Variants in CCSER1 observed in about 807,000 individuals in gnomAD.
CCSER1 encodes the protein coiled-coil serine rich protein 1, also known as serine-rich coiled-coil domain-containing protein 1.
A neutral mutation model predicts 82.0 loss-of-function variants in CCSER1; 41 were observed. The observed-to-expected ratio is 0.50, with a 90% CI of 0.39 to 0.65. The LOEUF is 0.65. Among genes scored for constraint, CCSER1 ranks in the 30% least tolerant of loss-of-function variants. CCSER1 has a pLI of 0.00. For synonymous variants in CCSER1, 414 were observed against 383.9 expected (o/e 1.08, Z -0.92); for missense variants, 1,119 against 1,064.2 (o/e 1.05, Z -0.72).
Position 90,711,150 on chromosome 4 carries a change from G to A in CCSER1, c.1933-12764G>A, listed in dbSNP as rs553830556. Among the ~76,000 whole-genome samples, 6 of 152,010 alleles carry A rather than the reference G, an allele frequency of 3.9e-5. No homozygotes were observed. In the East Asian group the frequency reaches 1.2e-3, roughly 29 times the overall value. On this transcript the variant is annotated intron_variant, in intron 6 of 10. Transcript: ENST00000509176. Reference sequence around the variant, plus strand: ...CCTGCTTGCCTGTTGTTAGTATATAGGAATGCTAGTGATTTTTACACATTG... The same window carrying A: ...CCTGCTTGCCTGTTGTTAGTATATAAGAATGCTAGTGATTTTTACACATTG...
At chr4:90,982,919 C>G (rs1364481450) in intron 9 of CCSER1, among the ~76,000 whole-genome samples, 1 of 151,820 alleles carries the variant, frequency 6.6e-6, no homozygotes, top group Non-Finnish European at 1.5e-5. Context: ...AACCCATACT[C>G]ACTTGCACCT....
chr4:90,902,308 G>T (rs1237807275), intron 8 of CCSER1, among the ~76,000 whole-genome samples: 1 of 151,640 alleles, frequency 6.6e-6, no homozygotes, highest in East Asian at 1.9e-4. Context: ...TTTAATTTTG[G>T]TTAGGATCCA....
Position 91,598,930 on chromosome 4 carries a change from T to A in CCSER1, c.2576T>A (p.Phe859Tyr). The A allele has an allele frequency of 6.4e-7, 1 of 1,551,558 alleles. No individual in the cohort carries two copies. Among genetic ancestry groups the A allele is most frequent in the Non-Finnish European group, 8.7e-7 (1 of 1,146,898 alleles). Reference sequence around the variant, plus strand: ...GCTACGGCCCGACAGCATTCGACCTTTACAGGCAGGTTTGGACAGCCACCC... The same window carrying A: ...GCTACGGCCCGACAGCATTCGACCTATACAGGCAGGTTTGGACAGCCACCC... ...QVATARQHSTFTGRFGQPPRG... is the reference protein window; with the variant it reads ...QVATARQHSTYTGRFGQPPRG... The change falls in exon 11 of 11, where the codon TTT becomes TAT. Residue 859 changes from phenylalanine to tyrosine, a missense_variant. Transcript: ENST00000509176.
At chr4:90,808,814 T>G (rs2149730339) in intron 7 of CCSER1, among the ~76,000 whole-genome samples, 1 of 152,220 alleles carries the variant, frequency 6.6e-6, no homozygotes, top group African/African-American at 2.4e-5. Flanking sequence ...TAGTACAACC[T>G]CTGGAAAATA....
intron 3 of CCSER1, among the ~76,000 whole-genome samples, chr4:90,328,206 T>C (rs112232147): frequency 0.018 from 2,812 of 152,254 alleles, 61 homozygotes; most frequent in African/African-American, 0.049. Context: ...ATTAGATTTA[T>C]AGAAATATAA....
At chr4:90,507,251 C>A (rs1360572154) in intron 5 of CCSER1, among the ~76,000 whole-genome samples, 1 of 150,956 alleles carries the variant, frequency 6.6e-6, no homozygotes, top group African/African-American at 2.4e-5. Context: ...AAAAAATAGA[C>A]ATGTTGAAAG....
intron 8 of CCSER1, chr4:90,838,878 G>A (rs769939185): frequency 6.2e-7 from 1 of 1,612,662 alleles, no homozygotes; most frequent in Non-Finnish European, 8.5e-7. Context: ...GGAATGTACA[G>A]TGCATATTGG....
intron 1 of CCSER1, among the ~76,000 whole-genome samples, chr4:90,161,092 G>T (rs778835938): frequency 1.3e-5 from 2 of 152,154 alleles, no homozygotes; most frequent in African/African-American, 2.4e-5. Flanking sequence ...CTGTAATGTT[G>T]TATCCTAAGT....
chr4:90,798,892 G>A (rs1756395275), intron 7 of CCSER1, among the ~76,000 whole-genome samples: 1 of 152,158 alleles, frequency 6.6e-6, no homozygotes, highest in Non-Finnish European at 1.5e-5. Flanking sequence ...GGCGGAAGGT[G>A]CTTTCAGACC....
intron 3 of CCSER1, among the ~76,000 whole-genome samples, chr4:90,337,408 A>G (rs554108834): frequency 6.6e-6 from 1 of 152,302 alleles, no homozygotes; most frequent in Admixed American, 6.5e-5. Context: ...TTGAGAGCAG[A>G]TAGTAGTCAA....
chr4:90,499,492 A>G (rs1407779424), intron 5 of CCSER1, among the ~76,000 whole-genome samples: 2 of 151,900 alleles, frequency 1.3e-5, no homozygotes, highest in African/African-American at 2.4e-5. Context: ...TAAACTCTTC[A>G]TTTTTCTTTA....
intron 3 of CCSER1, among the ~76,000 whole-genome samples, chr4:90,329,657 C>A (rs1200956082): frequency 6.6e-6 from 1 of 152,048 alleles, no homozygotes; most frequent in African/African-American, 2.4e-5. Flanking sequence ...TTTTCACAGT[C>A]TTCAAAATCG....
At chr4:91,405,689 T>TC (rs1456098260) in intron 10 of CCSER1, among the ~76,000 whole-genome samples, 2 of 152,180 alleles carry the variant, frequency 1.3e-5, no homozygotes, top group African/African-American at 4.8e-5. Context: ...GCACAGGATA[T>TC]AATCTCCTGG....
At chr4:90,975,445 A>G (rs1461663441) in intron 9 of CCSER1, among the ~76,000 whole-genome samples, 2 of 151,348 alleles carry the variant, frequency 1.3e-5, no homozygotes, top group Non-Finnish European at 3.0e-5. Context: ...AATATATACA[A>G]TAATTTTTTT....
At chr4:91,026,281 C>T (rs745671620) in intron 9 of CCSER1, among the ~76,000 whole-genome samples, 1 of 151,950 alleles carries the variant, frequency 6.6e-6, no homozygotes, top group Non-Finnish European at 1.5e-5. Flanking sequence ...TGTAGTTGTC[C>T]TTTTTCTCCT....
intron 5 of CCSER1, among the ~76,000 whole-genome samples, chr4:90,581,159 A>G (rs1044586742): frequency 1.3e-5 from 2 of 152,124 alleles, no homozygotes; most frequent in African/African-American, 4.8e-5. Context: ...AAATATTTTA[A>G]TCTATAATAC....
intron 7 of CCSER1, among the ~76,000 whole-genome samples, chr4:90,760,170 T>A (rs62313013): frequency 0.057 from 8,643 of 152,058 alleles, 351 homozygotes; most frequent in Admixed American, 0.11. Context: ...AAGTAATATG[T>A]GCCATTTCGG....
chr4:90,235,897 A>G (rs1745697577), intron 1 of CCSER1, among the ~76,000 whole-genome samples: 1 of 152,180 alleles, frequency 6.6e-6, no homozygotes, highest in Admixed American at 6.5e-5. Flanking sequence ...AAAATAAGAA[A>G]ACAGCATTCA....
At chr4:91,001,790 C>G (rs538742776) in intron 9 of CCSER1, among the ~76,000 whole-genome samples, 1 of 152,298 alleles carries the variant, frequency 6.6e-6, no homozygotes, top group Admixed American at 6.5e-5. Context: ...CTATTCCATT[C>G]ATCATGCTAT....
Sources: allele counts gnomAD v4.1 joint callset (sites outside exome capture counted in the v4.1 genomes callset), GRCh38; gene constraint gnomAD v4.1.1; transcripts MANE v1.5; gene names NCBI Gene and HGNC (gene_info 2026-07-23, HGNC 2026-07-21).